Variants in CDH13 observed in about 807,000 individuals in gnomAD.
CDH13 encodes the protein cadherin-13.
In CDH13, 24 loss-of-function variants were observed where a neutral mutation model predicts 63.8. That is an observed-to-expected ratio of 0.38 (90% CI 0.27 to 0.53). The LOEUF is 0.53. Ranked by LOEUF, CDH13 falls within the 20% of genes least tolerant of loss-of-function variation. The probability of loss-of-function intolerance (pLI) is 0.85; values close to 1 mark genes in which losing one functional copy is unlikely to be tolerated. For synonymous variants in CDH13, 503 were observed against 355.3 expected, an observed-to-expected ratio of 1.42 and a Z score of -4.67; for missense variants, 1,049 against 903.1, an observed-to-expected ratio of 1.16 and a Z score of -2.07.
intron 3 of CDH13, among the ~76,000 whole-genome samples, chr16:83,067,228 A>G (rs1426252971): frequency 1.3e-5 from 2 of 152,170 alleles, no homozygotes; most frequent in Non-Finnish European, 2.9e-5. Context: ...AACTGACTGT[A>G]TCTCTGAGTA....
At chr16:83,455,641 A>T (rs2073003995) in intron 6 of CDH13, among the ~76,000 whole-genome samples, 1 of 152,090 alleles carries the variant, frequency 6.6e-6, no homozygotes, top group African/African-American at 2.4e-5. Context: ...GTCAATCCCT[A>T]GATCTCTAAG....
chr16:82,784,647 G>A (rs1319487671), intron 1 of CDH13, among the ~76,000 whole-genome samples: 1 of 152,112 alleles, frequency 6.6e-6, no homozygotes, highest in Non-Finnish European at 1.5e-5. Flanking sequence ...TTACACTTTG[G>A]ATAAGGGTCA....
chr16:82,907,350 A>G (rs901623381), intron 2 of CDH13, among the ~76,000 whole-genome samples: 12 of 152,168 alleles, frequency 7.9e-5, no homozygotes, highest in African/African-American at 2.6e-4. Context: ...GAGCATCCCA[A>G]GGGCTCCACA....
intron 2 of CDH13, among the ~76,000 whole-genome samples, chr16:82,988,687 G>A (rs569005517): frequency 1.9e-4 from 29 of 151,724 alleles, no homozygotes; most frequent in African/African-American, 6.0e-4. Flanking sequence ...GCTTGAACCC[G>A]GCTGGCGGAG....
chr16:83,595,617 G>T (rs1304832881), intron 7 of CDH13, among the ~76,000 whole-genome samples: 1 of 152,144 alleles, frequency 6.6e-6, no homozygotes, highest in Non-Finnish European at 1.5e-5. Flanking sequence ...GGAGATCCAG[G>T]TTTCTTCCTT....
chr16:82,844,935 G>A (rs549134986), intron 1 of CDH13, among the ~76,000 whole-genome samples: 9 of 152,096 alleles, frequency 5.9e-5, no homozygotes, highest in South Asian at 2.1e-4. Flanking sequence ...GATTACAGGC[G>A]TGAGGCACCG....
intron 10 of CDH13, among the ~76,000 whole-genome samples, chr16:83,729,955 A>G (rs1910854632): frequency 6.6e-6 from 1 of 152,214 alleles, no homozygotes; most frequent in Admixed American, 6.5e-5. Flanking sequence ...TTGCCAAGTC[A>G]TTACCGTGCT....
intron 2 of CDH13, among the ~76,000 whole-genome samples, chr16:83,030,876 T>C (rs1916245468): frequency 6.6e-6 from 1 of 151,870 alleles, no homozygotes; most frequent in South Asian, 2.1e-4. Flanking sequence ...CCATTCTAGA[T>C]TCCCACCATC....
intron 4 of CDH13, among the ~76,000 whole-genome samples, chr16:83,180,297 C>G (rs1345513146): frequency 6.6e-6 from 1 of 151,732 alleles, no homozygotes; most frequent in African/African-American, 2.4e-5. Context: ...GAAATAAATG[C>G]AAATGAAAAA....
At chr16:83,014,165 G>C (rs1914443399) in intron 2 of CDH13, among the ~76,000 whole-genome samples, 2 of 151,918 alleles carry the variant, frequency 1.3e-5, no homozygotes, top group African/African-American at 2.4e-5. Flanking sequence ...AAATAGAATT[G>C]CCGATATTAT....
chr16:83,249,469 T>C (rs977354382), intron 5 of CDH13, among the ~76,000 whole-genome samples: 2 of 152,190 alleles, frequency 1.3e-5, no homozygotes, highest in Admixed American at 6.5e-5. Flanking sequence ...ATCGATGATA[T>C]TAACTTTCTC....
chr16:83,146,193 C>CAAAAA (rs749952847), intron 4 of CDH13, among the ~76,000 whole-genome samples: 50 of 97,588 alleles, frequency 5.1e-4, no homozygotes, highest in East Asian at 2.0e-3. Context: ...GACTCTGTCT[C>CAAAAA]AAAAAAAAAA....
intron 2 of CDH13, among the ~76,000 whole-genome samples, chr16:82,965,895 A>T (rs1907733666): frequency 6.6e-6 from 1 of 152,222 alleles, no homozygotes; most frequent in African/African-American, 2.4e-5. Flanking sequence ...AGTACTTTAA[A>T]GACAAAGTTG....
chr16:82,971,818 C>G (rs1020217139), intron 2 of CDH13, among the ~76,000 whole-genome samples: 1 of 152,166 alleles, frequency 6.6e-6, no homozygotes, highest in Non-Finnish European at 1.5e-5. Flanking sequence ...GCTACCTTTT[C>G]CTGATCCTAT....
chr16:83,446,346 G>A (rs765876099), intron 6 of CDH13, among the ~76,000 whole-genome samples: 1 of 151,014 alleles, frequency 6.6e-6, no homozygotes, highest in Admixed American at 6.6e-5. Flanking sequence ...AAATTAGAAA[G>A]TACCTTCACT....
chr16:83,085,088 G>C (rs1271732943), intron 3 of CDH13, among the ~76,000 whole-genome samples: 3 of 151,974 alleles, frequency 2.0e-5, no homozygotes, highest in Non-Finnish European at 2.9e-5. Flanking sequence ...TTTTCATGCT[G>C]TTGATAGAGA....
chr16:82,828,689 C>T (rs1567576483), intron 1 of CDH13, among the ~76,000 whole-genome samples: 1 of 149,800 alleles, frequency 6.7e-6, no homozygotes. Context: ...TATACACAAA[C>T]ATATATATAT....
At chr16:82,681,340 G>A (rs535480785) in intron 1 of CDH13, among the ~76,000 whole-genome samples, 24 of 152,312 alleles carry the variant, frequency 1.6e-4, no homozygotes, top group Non-Finnish European at 2.4e-4. Context: ...TGCCAGGGGC[G>A]TGGAGGAGGA....
intron 2 of CDH13, among the ~76,000 whole-genome samples, chr16:82,911,500 G>A (rs975981940): frequency 7.9e-5 from 12 of 152,158 alleles, no homozygotes; most frequent in African/African-American, 2.7e-4. Context: ...CCTGCCTGCT[G>A]TACTGTCCTG....
Sources: gnomAD v4.1 joint callset for allele counts (sites outside exome capture counted in the v4.1 genomes callset) on GRCh38, gnomAD v4.1.1 for gene constraint, MANE v1.5 for transcripts, NCBI Gene and HGNC (gene_info 2026-07-23, HGNC 2026-07-21) for gene names.